Variants in MAPT observed in about 807,000 individuals in gnomAD.
The protein encoded by MAPT is microtubule-associated protein tau.
A neutral mutation model predicts 67.9 loss-of-function variants in MAPT; 34 were observed. The ratio of observed to expected loss-of-function variants is 0.50; its 90% CI spans 0.38 to 0.67. The LOEUF (loss-of-function observed/expected upper bound fraction) is 0.67. Among genes scored for constraint, MAPT ranks in the 30% least tolerant of loss-of-function variants. The pLI is 0.00. For synonymous variants in MAPT, 456 were observed against 464.5 expected (o/e 0.98, Z 0.23); for missense variants, 881 against 1,115.2 (o/e 0.79, Z 2.99).
rs1568208245 is a variant in MAPT, at chr17:45,941,709, T to TCCTTCCTTCCTG, written c.-17-20601_-17-20600insGCCTTCCTTCCT. Among the ~76,000 whole-genome samples the TCCTTCCTTCCTG allele has an allele frequency of 2.6e-3, 279 of 107,294 alleles. 7 individuals carry two copies. Among genetic ancestry groups the TCCTTCCTTCCTG allele is most frequent in the Admixed American group, 5.7e-3 (58 of 10,114 alleles). 70.4% of individuals were successfully genotyped at this position (107,294 alleles called of 152,430 possible). ...TTCCTTCCTTCCTTCCTGCCTGCCT[T>TCCTTCCTTCCTG]CCTTCCTTCCTTCCTTCCTTCCTTC... is the stretch of plus-strand genomic sequence containing the variant. On this transcript the variant is annotated intron_variant, in intron 1 of 12. Coordinates refer to ENST00000262410, the MANE Select transcript of MAPT (RefSeq NM_001377265.1).
intron 1 of MAPT, among the ~76,000 whole-genome samples, chr17:45,946,150 C>T (rs978029441): frequency 6.6e-6 from 1 of 152,004 alleles, no homozygotes; most frequent in African/African-American, 2.4e-5. Flanking sequence ...TCAGAGGAAA[C>T]TGCTTCTCAT....
chr17:45,992,458 T>C (rs1433130883), intron 8 of MAPT, among the ~76,000 whole-genome samples: 1 of 152,222 alleles, frequency 6.6e-6, no homozygotes, highest in Non-Finnish European at 1.5e-5. Context: ...GTTAGGAGTC[T>C]GCTGCAAAAC....
intron 2 of MAPT, among the ~76,000 whole-genome samples, chr17:45,965,241 C>T (rs914298041): frequency 2.6e-5 from 4 of 152,012 alleles, no homozygotes; most frequent in African/African-American, 7.2e-5. Flanking sequence ...ACCAGCCTGG[C>T]CAACATGGTG....
chr17:45,895,048 C>CGGGTGT (rs2063074173), intron 1 of MAPT: 1 of 133,484 alleles, frequency 7.5e-6, no homozygotes, highest in African/African-American at 2.9e-5. Context: ...CCGCAATGGG[C>CGGGTGT]GTGTGTGTGT....
At chr17:45,910,860 G>A (rs964555146) in intron 1 of MAPT, 1 of 152,118 alleles carries the variant, frequency 6.6e-6, no homozygotes, top group African/African-American at 2.4e-5. Flanking sequence ...GTTCTCCTAG[G>A]AGGCGGCAGC....
Position 45,934,421 on chromosome 17 carries a change from C to T in MAPT, c.-17-27900C>T, listed in dbSNP as rs534762711. Among the ~76,000 whole-genome samples the T allele has an allele frequency of 1.1e-4, 17 of 152,232 alleles. No individual in the cohort carries two copies. In the East Asian group the frequency reaches 1.7e-3, roughly 16 times the overall value. Reference sequence around the variant, plus strand: ...AATACAGTATGTTGAATCAAAGTTACGCATGTGTGTATTTTTTTTTCCAGA... The same window carrying T: ...AATACAGTATGTTGAATCAAAGTTATGCATGTGTGTATTTTTTTTTCCAGA... On this transcript the variant is annotated intron_variant, in intron 1 of 12. Coordinates refer to ENST00000262410, the MANE Select transcript of MAPT (RefSeq NM_001377265.1).
intron 1 of MAPT, among the ~76,000 whole-genome samples, chr17:45,914,868 G>T (rs574538281): frequency 6.6e-6 from 1 of 151,338 alleles, no homozygotes; most frequent in African/African-American, 2.4e-5. Context: ...CTATAGGCAC[G>T]CATACCACCG....
Position 45,965,093 on chromosome 17 carries a change from G to GTGTCCCAGCC in MAPT, c.133+2625_133+2634dup, listed in dbSNP as rs554599111. ...CCAGGTGCCTGGGACTGGGGTGTGG[G>GTGTCCCAGCC]TGTCCCAGCCTATCCCAGCGCATCT... On this transcript the variant is annotated intron_variant, in intron 2 of 12. Transcript: ENST00000262410. Among the ~76,000 whole-genome samples, 329 of 152,178 alleles carry GTGTCCCAGCC rather than the reference G, an allele frequency of 2.2e-3. 1 individual carries two copies. Among genetic ancestry groups the GTGTCCCAGCC allele is most frequent in the African/African-American group, 7.4e-3 (306 of 41,524 alleles).
chr17:45,986,986 C>T, intron 5 of MAPT, 54 bp from the exon 6 acceptor site: 1 of 1,521,338 alleles, frequency 6.6e-7, no homozygotes, highest in Non-Finnish European at 9.1e-7. Flanking sequence ...AGCTGGCTTT[C>T]TGTGAACAGT....
intron 9 of MAPT, among the ~76,000 whole-genome samples, chr17:46,004,829 G>A (rs891359719): frequency 1.3e-5 from 2 of 152,060 alleles, no homozygotes; most frequent in African/African-American, 4.8e-5. Flanking sequence ...TGTCGCCCAG[G>A]CTGGAGTGCA....
chr17:45,915,164 C>G lies in MAPT; in HGVS notation c.-18+20478C>G, dbSNP rs942078033. 3.9e-5 allele frequency among the ~76,000 whole-genome samples: 6 copies of G among 152,182 alleles called. No homozygotes were observed. The highest frequency in any genetic ancestry group is 1.4e-4 in the African/African-American group (6 of 41,446). ...ACGAATGTCCCTGGTCACAAAAGCT[C>G]TGATCTGGCCTAACCCTGTCATGTT... is the stretch of plus-strand genomic sequence containing the variant. On this transcript the variant is annotated intron_variant, in intron 1 of 12. Transcript: ENST00000262410. The surrounding 1 kb of genome is among the most constrained non-coding windows in gnomAD (Gnocchi z 4.4).
At chr17:45,935,045 C>T (rs1192607551) in intron 1 of MAPT, among the ~76,000 whole-genome samples, 1 of 152,184 alleles carries the variant, frequency 6.6e-6, no homozygotes, top group African/African-American at 2.4e-5. Context: ...AGGTCCGTGG[C>T]TACCCAGGGT....
At chr17:46,020,574 T>C (rs899704119) in intron 12 of MAPT, among the ~76,000 whole-genome samples, 8 of 152,184 alleles carry the variant, frequency 5.3e-5, no homozygotes, top group African/African-American at 9.7e-5. Context: ...GTCTAAAAGA[T>C]AGAGGTCTGA....
intron 1 of MAPT, among the ~76,000 whole-genome samples, chr17:45,946,251 C>G (rs894933289): frequency 2.0e-5 from 3 of 151,974 alleles, no homozygotes; most frequent in Non-Finnish European, 4.4e-5. Flanking sequence ...GACAGGAGCA[C>G]CATCAGTTTG....
chr17:45,988,424 T>C (rs1421446223), intron 6 of MAPT, among the ~76,000 whole-genome samples: 2 of 152,074 alleles, frequency 1.3e-5, no homozygotes, highest in Non-Finnish European at 2.9e-5. Flanking sequence ...TCCAGGGCCA[T>C]GCCCACCCGT....
chr17:45,939,916 C>A (rs1212651563), intron 1 of MAPT, among the ~76,000 whole-genome samples: 1 of 152,166 alleles, frequency 6.6e-6, no homozygotes, highest in Non-Finnish European at 1.5e-5. Context: ...TGTGGAGAGA[C>A]ATGTACTTAG....
intron 1 of MAPT, among the ~76,000 whole-genome samples, chr17:45,942,217 T>C (rs2068063555): frequency 1.3e-5 from 2 of 152,246 alleles, no homozygotes; most frequent in African/African-American, 4.8e-5. Flanking sequence ...CATATATGTA[T>C]TCTTTTCTTA....
intron 3 of MAPT, chr17:45,974,220 AGC>A (rs2072051241): frequency 3.1e-6 from 2 of 651,522 alleles, no homozygotes; most frequent in Non-Finnish European, 5.6e-6. Flanking sequence ...CTTCCTGGGG[AGC>A]TGGTAGCAGG....
intron 4 of MAPT, among the ~76,000 whole-genome samples, chr17:45,982,072 C>T (rs2073022890): frequency 6.6e-6 from 1 of 150,792 alleles, no homozygotes; most frequent in Non-Finnish European, 1.5e-5. Flanking sequence ...TGCCTGTAAT[C>T]CCAGCACTTT....
Sources: gnomAD v4.1 joint callset for allele counts (sites outside exome capture counted in the v4.1 genomes callset) on GRCh38, gnomAD v4.1.1 for gene constraint, Gnocchi (gnomAD v3.1) non-coding constraint, MANE v1.5 for transcripts, NCBI Gene and HGNC (gene_info 2026-07-23, HGNC 2026-07-21) for gene names.